MROH1: variants seen among roughly 807,000 people sequenced by gnomAD.
MROH1 encodes maestro heat-like repeat-containing protein family member 1.
A neutral mutation model predicts 116.5 loss-of-function variants in MROH1; 117 were observed. The ratio of observed to expected loss-of-function variants is 1.00; its 90% confidence interval spans 0.86 to 1.17. MROH1 has a LOEUF of 1.17. Ranked by LOEUF, MROH1 falls within the 50% of genes most tolerant of loss-of-function variation. The probability of loss-of-function intolerance (pLI) is 0.00; values close to 1 mark genes in which losing one functional copy is unlikely to be tolerated. For missense variants in MROH1, 1,873 were observed against 1,338.5 expected, an observed-to-expected ratio of 1.40 and a Z score of -6.23; for synonymous variants, 921 against 583.9, an observed-to-expected ratio of 1.58 and a Z score of -8.32.
intron 25 of MROH1, 76 bp downstream of exon 25, chr8:144,243,692 C>T: frequency 1.3e-6 from 1 of 771,894 alleles, no homozygotes; most frequent in Non-Finnish European, 2.4e-6. Flanking sequence ...GACTGGGGCA[C>T]TGAGGGTGAT....
intron 1 of MROH1, among the ~76,000 whole-genome samples, chr8:144,160,324 T>C (rs1183776497): frequency 6.6e-6 from 1 of 152,170 alleles, no homozygotes; most frequent in Non-Finnish European, 1.5e-5. Context: ...CATGACGCTT[T>C]CCACACTTTC....
intron 14 of MROH1, 40 bp downstream of exon 14, chr8:144,223,270 T>C: frequency 1.3e-6 from 2 of 1,562,126 alleles, no homozygotes; most frequent in Non-Finnish European, 1.7e-6. Flanking sequence ...AGGCCCACGC[T>C]GCCCCTGGCC....
intron 1 of MROH1, among the ~76,000 whole-genome samples, chr8:144,159,827 G>A (rs1249385200): frequency 6.7e-6 from 1 of 149,302 alleles, no homozygotes; most frequent in Non-Finnish European, 1.5e-5. Context: ...GAGTGCAGTG[G>A]TGCGATCTTG....
chr8:144,212,667 G>C (rs1204367194), intron 12 of MROH1, among the ~76,000 whole-genome samples: 1 of 124,710 alleles, frequency 8.0e-6, no homozygotes, highest in East Asian at 2.6e-4. Flanking sequence ...ATGGCTTACT[G>C]TAACCTCTGT....
chr8:144,255,985 G>A (rs911325489), intron 35 of MROH1, among the ~76,000 whole-genome samples: 1 of 152,248 alleles, frequency 6.6e-6, no homozygotes, highest in Non-Finnish European at 1.5e-5. Context: ...GGCTTCGTGT[G>A]GCAGCTCAGG....
chr8:144,250,771 T>C (rs1842723958), intron 33 of MROH1: 1 of 363,404 alleles, frequency 2.8e-6, no homozygotes, highest in East Asian at 7.0e-5. Flanking sequence ...CACTGCTGCC[T>C]GTGAGCAGAC....
chr8:144,222,694 GTGCAGGTAGGTACAGA>G (rs1837026769), intron 13 of MROH1, among the ~76,000 whole-genome samples: 1 of 152,096 alleles, frequency 6.6e-6, no homozygotes, highest in Non-Finnish European at 1.5e-5. Context: ...GTGGATGTGG[GTGCAGGTAGGTACAGA>G]TGCAGGTATG....
intron 12 of MROH1, among the ~76,000 whole-genome samples, chr8:144,206,619 C>T (rs1051843880): frequency 2.6e-5 from 4 of 151,388 alleles, no homozygotes; most frequent in Non-Finnish European, 4.4e-5. Context: ...GATGGGGTTT[C>T]GCCATGTTGG....
rs1454022786 is a variant in MROH1, at chr8:144,191,792, C to T, written c.792C>T (p.Pro264=). The stretch of plus-strand genomic sequence containing the variant: ...GTGAGAGGCTGGAAGAGCAGCTGCC[C>T]AAGCTCCTCCCTGGGATTCTCGCCC... ...LPSERLEEQL[P]KLLPGILALY... The change falls in exon 9 of 44, where the codon CCC becomes CCT. Residue 264 remains proline (P), a synonymous_variant. Transcript: ENST00000326134. The T allele has an allele frequency of 6.8e-6, 11 of 1,613,320 alleles. No individual in the cohort carries two copies. The highest frequency in any genetic ancestry group is 8.5e-6 in the Non-Finnish European group (10 of 1,179,838).
chr8:144,258,693 C>A, intron 35 of MROH1, 84 bp from the exon 36 acceptor site: 2 of 703,078 alleles, frequency 2.8e-6, no homozygotes, highest in Non-Finnish European at 5.2e-6. Flanking sequence ...GGGCAACACG[C>A]ATTGGGTGCA....
intron 14 of MROH1, among the ~76,000 whole-genome samples, chr8:144,232,641 A>C (rs1839142814): frequency 6.6e-6 from 1 of 151,508 alleles, no homozygotes; most frequent in Non-Finnish European, 1.5e-5. Flanking sequence ...CTACATGCGC[A>C]CACCGCCACG....
intron 33 of MROH1, chr8:144,254,476 C>T (rs995303160): frequency 2.6e-4 from 70 of 264,244 alleles, no homozygotes; most frequent in African/African-American, 1.4e-3. Context: ...CCTGTGACGT[C>T]CTGAGGCCTG....
rs538573295 is a variant in MROH1, at chr8:144,230,012, C to T, written c.1338+6782C>T. Reference sequence around the variant, plus strand: ...TGGCGCCACTGCACTCTAGCCTGGGCGACAGAGCTACACTCTGTCTCAAAA... The same window carrying T: ...TGGCGCCACTGCACTCTAGCCTGGGTGACAGAGCTACACTCTGTCTCAAAA... On this transcript the variant is annotated intron_variant, in intron 14 of 43. Coordinates refer to ENST00000326134, the MANE Select transcript of MROH1 (RefSeq NM_032450.3). Among the ~76,000 whole-genome samples the T allele has an allele frequency of 4.0e-5, 6 of 151,512 alleles. No individual in the cohort carries two copies. The South Asian group carries it at 6.3e-4, about 16-fold the overall frequency.
At position 144,260,167 on chromosome 8, in the gene MROH1, G is replaced by A. The variant is rs1844749375; in HGVS notation, c.4192-19G>A. Reference sequence around the variant, plus strand: ...AGACGGTGACTCTGGGACCCAGGCTGAGTGTAAGGTATCCTCAGGTGCGAA... The same window carrying A: ...AGACGGTGACTCTGGGACCCAGGCTAAGTGTAAGGTATCCTCAGGTGCGAA... On this transcript the variant is annotated intron_variant, in intron 38 of 43. Transcript: ENST00000326134. 5.2e-6 allele frequency: 4 copies of A among 764,180 alleles called. No individual in the cohort carries two copies. The African/African-American group carries it at 6.8e-5, about 13-fold the overall frequency. 47.3% of individuals were successfully genotyped at this position (764,180 alleles called of 1,614,324 possible).
intron 4 of MROH1, chr8:144,175,665 T>C (rs1823704675): frequency 1.9e-6 from 1 of 530,506 alleles, no homozygotes; most frequent in Non-Finnish European, 2.4e-6. Context: ...GGCACACGCC[T>C]GTAATCCCAG....
At chr8:144,168,837 G>C (rs1172104699) in intron 4 of MROH1, among the ~76,000 whole-genome samples, 1 of 152,234 alleles carries the variant, frequency 6.6e-6, no homozygotes, top group East Asian at 1.9e-4. Context: ...TAAGTGCTCA[G>C]AGAGTCCCCA....
At chr8:144,212,629 C>G (rs1056005270) in intron 12 of MROH1, among the ~76,000 whole-genome samples, 1 of 124,362 alleles carries the variant, frequency 8.0e-6, no homozygotes, top group African/African-American at 3.2e-5. Flanking sequence ...TTGCTTTGTT[C>G]CCCAGGCTGG....
intron 29 of MROH1, among the ~76,000 whole-genome samples, chr8:144,246,688 T>G (rs1356737698): frequency 7.9e-5 from 12 of 152,244 alleles, no homozygotes; most frequent in Non-Finnish European, 1.5e-4. Flanking sequence ...GAGCCCAGGA[T>G]CCTGTGCAAG....
intron 4 of MROH1, chr8:144,175,509 G>A (rs781574756): frequency 1.4e-4 from 135 of 985,344 alleles, no homozygotes; most frequent in Middle Eastern, 5.2e-4. Flanking sequence ...TATACCGGCC[G>A]TGCTGCCCCG....
Sources: gnomAD v4.1 joint callset for allele counts (sites outside exome capture counted in the v4.1 genomes callset) on GRCh38, gnomAD v4.1.1 for gene constraint, MANE v1.5 for transcripts, NCBI Gene and HGNC (gene_info 2026-07-23, HGNC 2026-07-21) for gene names.